ARHGEF10L: variants seen among roughly 807,000 people sequenced by gnomAD.
ARHGEF10L encodes the protein rho guanine nucleotide exchange factor 10-like protein.
ARHGEF10L carries 69 observed loss-of-function variants against 141.2 expected under a neutral mutation model. The ratio of observed to expected loss-of-function variants is 0.49; its 90% confidence interval spans 0.40 to 0.60. The LOEUF (loss-of-function observed/expected upper bound fraction) is 0.60. Among genes scored for constraint, ARHGEF10L ranks in the 20% least tolerant of loss-of-function variants. ARHGEF10L has a pLI of 0.00. For synonymous variants in ARHGEF10L, 711 were observed against 718.5 expected (o/e 0.99, Z 0.17); for missense variants, 1,482 against 1,734.3 (o/e 0.85, Z 2.58).
At chr1:17,651,141 C>A (rs1026943206) in intron 22 of ARHGEF10L, among the ~76,000 whole-genome samples, 1 of 152,066 alleles carries the variant, frequency 6.6e-6, no homozygotes, top group African/African-American at 2.4e-5. Flanking sequence ...GCCTTACTCT[C>A]TCTCTATATA....
chr1:17,583,059 GAAAA>G (rs34079639), intron 2 of ARHGEF10L, among the ~76,000 whole-genome samples: 1 of 139,836 alleles, frequency 7.2e-6, no homozygotes, highest in Non-Finnish European at 1.6e-5. Context: ...TACAAAAAAT[GAAAA>G]AAAAAAAAAA....
rs543109605 is a variant in ARHGEF10L, at chr1:17,625,431, T to C, written c.1318-525T>C. 9.2e-5 allele frequency among the ~76,000 whole-genome samples: 14 copies of C among 152,124 alleles called. No homozygotes were observed. The highest frequency in any genetic ancestry group is 3.4e-4 in the African/African-American group (14 of 41,500). Reference sequence around the variant, plus strand: ...GCCTAGGATGTAATATTTCAGGTAATGGGGAGCCATTGAAGGATTTTGAGC... The same window carrying C: ...GCCTAGGATGTAATATTTCAGGTAACGGGGAGCCATTGAAGGATTTTGAGC... On this transcript the variant is annotated intron_variant, in intron 13 of 28. Transcript: ENST00000361221. The surrounding 1 kb of genome is among the most constrained non-coding windows in gnomAD (Gnocchi z 4.5).
chr1:17,601,999 AG>A, intron 4 of ARHGEF10L, 127 bp from the exon 5 acceptor site: 1 of 765,090 alleles, frequency 1.3e-6, no homozygotes, highest in Non-Finnish European at 2.0e-6. Flanking sequence ...ACTCCACCTC[AG>A]GTCTCCCCAG....
Position 17,697,808 on chromosome 1 carries a change from A to G in ARHGEF10L, c.*428A>G. On this transcript the variant is annotated 3_prime_UTR_variant, in exon 29 of 29. Transcript: ENST00000361221. The surrounding 1 kb of genome is among the most constrained non-coding windows in gnomAD (Gnocchi z 4.8). The stretch of plus-strand genomic sequence containing the variant: ...TGGTGTATATTATATGTGTATAAAT[A>G]AAGTCTGTACATATTGGAGCTCTGG... 1 of 332,986 alleles carries G rather than the reference A, an allele frequency of 3.0e-6. No individual in the cohort carries two copies. Among genetic ancestry groups the G allele is most frequent in the South Asian group, 2.4e-5 (1 of 42,200 alleles). 20.6% of individuals were successfully genotyped at this position (332,986 alleles called of 1,614,324 possible). A position where few individuals can be genotyped will look rare whatever the true frequency, so the allele number is the denominator to read the frequency against.
chr1:17,557,943 G>T (rs542018181), intron 1 of ARHGEF10L, among the ~76,000 whole-genome samples: 1 of 152,254 alleles, frequency 6.6e-6, no homozygotes, highest in African/African-American at 2.4e-5. Flanking sequence ...CTGAAATAGA[G>T]CCCTGGGCAC....
At chr1:17,687,438 G>C in intron 26 of ARHGEF10L, 135 bp from the exon 27 acceptor site, 1 of 980,666 alleles carries the variant, frequency 1.0e-6, no homozygotes, top group Non-Finnish European at 1.5e-6. Flanking sequence ...CAACCTCATA[G>C]CTGGGCTTCT....
intron 14 of ARHGEF10L, among the ~76,000 whole-genome samples, chr1:17,626,427 G>A (rs1407454375): frequency 4.6e-5 from 7 of 152,044 alleles, no homozygotes. Context: ...AGGGACATTA[G>A]CCCCACACAG....
chr1:17,591,759 G>A (rs1011115232), intron 4 of ARHGEF10L, among the ~76,000 whole-genome samples: 1 of 152,100 alleles, frequency 6.6e-6, no homozygotes, highest in African/African-American at 2.4e-5. Context: ...CTGTTGCCCA[G>A]GCTGGTCTTG....
At chr1:17,645,441 G>T (rs2061542841) in intron 21 of ARHGEF10L, among the ~76,000 whole-genome samples, 1 of 152,126 alleles carries the variant, frequency 6.6e-6, no homozygotes, top group Non-Finnish European at 1.5e-5. Context: ...GGGGAGGAAA[G>T]AGAGGAGCTG....
In ARHGEF10L at chr1:17,640,295, C is replaced by T. The variant is rs138166489; in HGVS notation, c.2265C>T (p.Ile755=). 7.8e-5 allele frequency: 126 copies of T among 1,611,454 alleles called. No homozygotes were observed. The Admixed American group carries it at 1.3e-3, about 17-fold the overall frequency. ...TCAACAGGTTACATTTGGCCAAAAT[C>T]GGACTCCGTGAGTATAGCCCCAGGG... ...SWVNRLHLAK[I]GLREENQPGW... is the part of the protein sequence containing the mutation. The change falls in exon 21 of 29, where the codon ATC becomes ATT. Residue 755 remains isoleucine, a synonymous_variant. Coordinates refer to ENST00000361221, the MANE Select transcript of ARHGEF10L (RefSeq NM_018125.4).
rs143563743 is a variant in ARHGEF10L at position 17,678,846 on chromosome 1, C to T, written c.3010-8727C>T. Among the ~76,000 whole-genome samples, 530 of 152,328 alleles carry T rather than the reference C, an allele frequency of 3.5e-3. 2 individuals are homozygous for T. The highest frequency in any genetic ancestry group is 6.3e-3 in the Non-Finnish European group (429 of 68,038). On this transcript the variant is annotated intron_variant, in intron 26 of 28. Coordinates refer to ENST00000361221, the MANE Select transcript of ARHGEF10L (RefSeq NM_018125.4). ...TTGGGTTGACACCAACATCTGTGTC[C>T]ACCTTCTTGTGTGCTTAGTAACAAG...
At chr1:17,648,805 C>A in intron 22 of ARHGEF10L, 130 bp downstream of exon 22, 1 of 1,330,492 alleles carries the variant, frequency 7.5e-7, no homozygotes, top group Non-Finnish European at 1.0e-6. Flanking sequence ...CTTCTAAATT[C>A]TTACTGACAG....
intron 4 of ARHGEF10L, among the ~76,000 whole-genome samples, chr1:17,598,194 C>G (rs533882228): frequency 6.6e-6 from 1 of 151,950 alleles, no homozygotes. Context: ...CTCCGCTTCC[C>G]GGGTTCAAGC....
chr1:17,536,776 A>G (rs1366306052), upstream of ARHGEF10L, among the ~76,000 whole-genome samples: 1 of 152,148 alleles, frequency 6.6e-6, no homozygotes, highest in Non-Finnish European at 1.5e-5. Context: ...CTAAAGGGCC[A>G]CCACTCCTGG....
the ARHGEF10L span, among the ~76,000 whole-genome samples, chr1:17,517,368 C>T: frequency 1.3e-5 from 2 of 152,134 alleles, no homozygotes; most frequent in Non-Finnish European, 2.9e-5. Context: ...CTTGGTCTGT[C>T]GCCCAGGCTG....
intron 4 of ARHGEF10L, among the ~76,000 whole-genome samples, chr1:17,599,049 A>G (rs1222583897): frequency 6.6e-6 from 1 of 152,052 alleles, no homozygotes; most frequent in Non-Finnish European, 1.5e-5. Flanking sequence ...GTTCCTGCAA[A>G]ATTAAATGTG....
intron 26 of ARHGEF10L, among the ~76,000 whole-genome samples, chr1:17,672,670 T>C (rs755945002): frequency 6.6e-6 from 1 of 152,202 alleles, no homozygotes; most frequent in Non-Finnish European, 1.5e-5. Context: ...TTCTAAAGAT[T>C]GTGGAGACTT....
intron 6 of ARHGEF10L, among the ~76,000 whole-genome samples, chr1:17,605,902 G>T (rs1010187551): frequency 6.6e-6 from 1 of 152,202 alleles, no homozygotes; most frequent in East Asian, 1.9e-4. Flanking sequence ...AAAGACATTA[G>T]TTACTATTAT....
Position 17,603,682 on chromosome 1 carries a change from TC to T in ARHGEF10L, c.433+95del. The T allele has an allele frequency of 8.3e-7, 1 of 1,198,836 alleles. No individual in the cohort carries two copies. Among genetic ancestry groups the T allele is most frequent in the Non-Finnish European group, 1.1e-6 (1 of 870,604 alleles). The allele number at this position is 1,198,836 out of a possible 1,614,324, so 74.3% of individuals were successfully genotyped here. ...GGTTGTCTCTTTCCGTTTCCTTCTG[TC>T]CCCACCTGGCCAAGTGCCCCTCCTT... On this transcript the variant is annotated intron_variant, in intron 6 of 28. Coordinates refer to ENST00000361221, the MANE Select transcript of ARHGEF10L (RefSeq NM_018125.4). The surrounding 1 kb of genome is among the most constrained non-coding windows in gnomAD (Gnocchi z 4.8).
Sources: gnomAD v4.1 joint callset for allele counts (sites outside exome capture counted in the v4.1 genomes callset) on GRCh38, gnomAD v4.1.1 for gene constraint, Gnocchi (gnomAD v3.1) non-coding constraint, MANE v1.5 for transcripts, NCBI Gene and HGNC (gene_info 2026-07-23, HGNC 2026-07-21) for gene names.